The following GALNT17 variants were observed in gnomAD, a reference collection of about 807,000 sequenced individuals.
The protein encoded by GALNT17 is UDP-GalNAc:polypeptide N-acetylgalactosaminyltransferase-like 3.
Under a neutral mutation model 63.7 loss-of-function variants are expected in GALNT17, and 29 were observed. That is an observed-to-expected ratio of 0.46 (90% confidence interval 0.34 to 0.62). GALNT17 has a LOEUF of 0.62. Ranked by LOEUF, GALNT17 falls within the 20% of genes least tolerant of loss-of-function variation. The pLI is 0.01. For synonymous variants in GALNT17, 305 were observed against 318.3 expected (o/e 0.96, Z 0.45); for missense variants, 603 against 799.6 (o/e 0.75, Z 2.97).
rs1554366709 is a variant in GALNT17 at position 71,408,902 on chromosome 7, G to GTA, written c.590-6986_590-6985insAT. Among the ~76,000 whole-genome samples the GTA allele has an allele frequency of 3.6e-3, 535 of 146,962 alleles. 5 individuals are homozygous for GTA. The highest frequency in any genetic ancestry group is 8.9e-3 in the African/African-American group (350 of 39,414). On this transcript the variant is annotated intron_variant, in intron 3 of 10. Transcript: ENST00000333538. The stretch of plus-strand genomic sequence containing the variant: ...TCTGTCTCTGTATATGTGTGTGTGT[G>GTA]TGTATGTATGTATGTATGTATGTAT...
intron 5 of GALNT17, among the ~76,000 whole-genome samples, chr7:71,425,895 C>T (rs1012758088): frequency 5.9e-5 from 9 of 152,160 alleles, no homozygotes; most frequent in African/African-American, 2.2e-4. Context: ...AGCATGGAGG[C>T]TTCTGCGTCT....
chr7:71,255,016 A>G (rs1790264302), intron 1 of GALNT17, among the ~76,000 whole-genome samples: 2 of 152,384 alleles, frequency 1.3e-5, no homozygotes, highest in African/African-American at 4.8e-5. Flanking sequence ...AGGCGATGTC[A>G]GGGAGTGGGG....
intron 5 of GALNT17, among the ~76,000 whole-genome samples, chr7:71,531,950 G>T (rs1404253414): frequency 6.6e-6 from 1 of 152,184 alleles, no homozygotes; most frequent in Non-Finnish European, 1.5e-5. Flanking sequence ...CCCTAGGGCT[G>T]GGGAGCTGAG....
chr7:71,243,396 A>G (rs985008592), intron 1 of GALNT17, among the ~76,000 whole-genome samples: 2 of 152,162 alleles, frequency 1.3e-5, no homozygotes, highest in Admixed American at 1.3e-4. Flanking sequence ...AGACTAATAC[A>G]TCTACTCTTC....
intron 9 of GALNT17, among the ~76,000 whole-genome samples, chr7:71,686,823 C>G (rs1194861036): frequency 6.6e-6 from 1 of 152,140 alleles, no homozygotes; most frequent in Admixed American, 6.5e-5. Flanking sequence ...GCTTTGTCCC[C>G]GAGCTGAGAC....
chr7:71,246,548 A>G (rs1323807668), intron 1 of GALNT17, among the ~76,000 whole-genome samples: 2 of 149,112 alleles, frequency 1.3e-5, no homozygotes, highest in African/African-American at 4.9e-5. Context: ...TATACTTATG[A>G]GGCCAGGCGT....
At chr7:71,704,126 C>G (rs1325955596) in intron 9 of GALNT17, among the ~76,000 whole-genome samples, 2 of 152,034 alleles carry the variant, frequency 1.3e-5, no homozygotes, top group East Asian at 3.9e-4. Flanking sequence ...AAAGCAAAGA[C>G]CAAGGAGACC....
intron 2 of GALNT17, among the ~76,000 whole-genome samples, chr7:71,374,881 C>T (rs1792692619): frequency 6.9e-6 from 1 of 145,074 alleles, no homozygotes; most frequent in Admixed American, 7.1e-5. Flanking sequence ...GCTCTGTTGC[C>T]CAGGCTGGAG....
rs369449760 is a variant in GALNT17, at chr7:71,274,644, C to T, written c.239-60906C>T. The stretch of plus-strand genomic sequence containing the variant: ...CCCTAAGACATTGGTCTGGAACACA[C>T]CATCCACATCAGTGCACATGAAAAT... On this transcript the variant is annotated intron_variant, in intron 1 of 10. Coordinates refer to ENST00000333538, the MANE Select transcript of GALNT17 (RefSeq NM_022479.3). 1.7e-3 allele frequency among the ~76,000 whole-genome samples: 256 copies of T among 152,282 alleles called. 1 individual carries two copies. Among genetic ancestry groups the T allele is most frequent in the Non-Finnish European group, 3.1e-3 (210 of 68,024 alleles).
intron 8 of GALNT17, among the ~76,000 whole-genome samples, chr7:71,671,922 C>T (rs1314006260): frequency 1.3e-5 from 2 of 150,374 alleles, no homozygotes; most frequent in African/African-American, 2.5e-5. Flanking sequence ...CCCAGCTACT[C>T]GGGGCTGAGG....
At chr7:71,328,391 C>G (rs541857399) in intron 1 of GALNT17, among the ~76,000 whole-genome samples, 57 of 152,268 alleles carry the variant, frequency 3.7e-4, no homozygotes, top group Non-Finnish European at 6.6e-4. Context: ...TGCTTCTCCC[C>G]CTTTGACTTT....
chr7:71,322,463 G>A (rs1162907924), intron 1 of GALNT17, among the ~76,000 whole-genome samples: 2 of 152,146 alleles, frequency 1.3e-5, no homozygotes, highest in Non-Finnish European at 2.9e-5. Flanking sequence ...AACTACAAAT[G>A]CTACATGAGC....
chr7:71,280,439 G>GA (rs1302767890), intron 1 of GALNT17, among the ~76,000 whole-genome samples: 2 of 152,282 alleles, frequency 1.3e-5, no homozygotes, highest in Admixed American at 1.3e-4. Context: ...CCTTCACCAA[G>GA]AGAGGAATCA....
intron 6 of GALNT17, among the ~76,000 whole-genome samples, chr7:71,621,283 A>G (rs774125193): frequency 8.6e-5 from 13 of 151,908 alleles, no homozygotes; most frequent in Non-Finnish European, 1.2e-4. Context: ...CTCAGTATAC[A>G]TGAAATACTT....
intron 9 of GALNT17, among the ~76,000 whole-genome samples, chr7:71,701,803 G>GTA (rs1554326539): frequency 0.057 from 1,738 of 30,632 alleles, 24 homozygotes; most frequent in Non-Finnish European, 0.099. Flanking sequence ...GTGTGTGTGT[G>GTA]TATATATATA....
At chr7:71,245,848 G>GTTTTTTTTTTTTTTTTTT (rs542136452) in intron 1 of GALNT17, among the ~76,000 whole-genome samples, 8 of 122,890 alleles carry the variant, frequency 6.5e-5, no homozygotes, top group East Asian at 2.3e-4. Flanking sequence ...AAGAGAGCAG[G>GTTTTTTTTTTTTTTTTTT]TTTTTTTTTT....
At chr7:71,683,531 G>T (rs1057172726) in intron 9 of GALNT17, among the ~76,000 whole-genome samples, 1 of 152,180 alleles carries the variant, frequency 6.6e-6, no homozygotes, top group Non-Finnish European at 1.5e-5. Flanking sequence ...ATTAAACAGA[G>T]ATAAAATAGG....
At chr7:71,209,300 G>T (rs1473885932) in intron 1 of GALNT17, among the ~76,000 whole-genome samples, 1 of 152,148 alleles carries the variant, frequency 6.6e-6, no homozygotes, top group Non-Finnish European at 1.5e-5. Context: ...GGGTTGTAGA[G>T]CTGTGATTTA....
chr7:71,308,695 C>T (rs1270097526), intron 1 of GALNT17, among the ~76,000 whole-genome samples: 1 of 151,694 alleles, frequency 6.6e-6, no homozygotes, highest in Non-Finnish European at 1.5e-5. Context: ...GAAGACAAGC[C>T]AGCAACTGCT....
Sources: gnomAD v4.1 joint callset for allele counts (sites outside exome capture counted in the v4.1 genomes callset) on GRCh38, gnomAD v4.1.1 for gene constraint, MANE v1.5 for transcripts, NCBI Gene and HGNC (gene_info 2026-07-23, HGNC 2026-07-21) for gene names.